The following KSR2 variants were observed in gnomAD, a reference collection of about 807,000 sequenced individuals.
KSR2 encodes the protein kinase suppressor of ras 2.
KSR2 carries 25 observed loss-of-function variants against 107.8 expected under a neutral mutation model. The ratio of observed to expected loss-of-function variants is 0.23; its 90% CI spans 0.17 to 0.32. KSR2 has a LOEUF of 0.32. KSR2 is among the 10% of genes least tolerant of loss of function. The pLI is 1.00. For synonymous variants in KSR2, 480 were observed against 507.0 expected, an observed-to-expected ratio of 0.95 and a Z score of 0.71; for missense variants, 887 against 1,268.9, an observed-to-expected ratio of 0.70 and a Z score of 4.57.
intron 4 of KSR2, among the ~76,000 whole-genome samples, chr12:117,697,695 G>A (rs554671145): frequency 4.3e-4 from 63 of 147,794 alleles, no homozygotes; most frequent in Non-Finnish European, 7.6e-4. Flanking sequence ...AGCCGAGATC[G>A]CGCCACTGCA....
chr12:117,705,130 C>T (rs1886473126), intron 4 of KSR2, among the ~76,000 whole-genome samples: 1 of 152,056 alleles, frequency 6.6e-6, no homozygotes, highest in Non-Finnish European at 1.5e-5. Context: ...GAGTTCATTA[C>T]AGTGAATGTG....
chr12:117,695,689 C>A (rs544411259), intron 4 of KSR2, among the ~76,000 whole-genome samples: 1 of 145,840 alleles, frequency 6.9e-6, no homozygotes, highest in African/African-American at 2.6e-5. Flanking sequence ...CCAGCCTGGG[C>A]GACAAAGTGA....
chr12:117,889,927 A>C (rs887807644), intron 1 of KSR2, among the ~76,000 whole-genome samples: 2 of 152,178 alleles, frequency 1.3e-5, no homozygotes, highest in South Asian at 2.1e-4. Context: ...AGTAGTGCCA[A>C]GGTTGAAACA....
At position 117,934,293 on chromosome 12, in the gene KSR2, C is replaced by A. The variant is rs1449310696; in HGVS notation, c.180+33783G>T. 2.0e-5 allele frequency among the ~76,000 whole-genome samples: 3 copies of A among 152,232 alleles called. No homozygotes were observed. The South Asian group carries it at 6.2e-4, about 32-fold the overall frequency. On this transcript the variant is annotated intron_variant, in intron 1 of 19. Coordinates refer to ENST00000339824, the MANE Select transcript of KSR2 (RefSeq NM_173598.6). ...GCTCCAGAACTGACCCATGACAACA[C>A]CGCTCCCTTTTGACTCCAGGAGTAG...
At chr12:117,660,604 C>T (rs1390800041) in intron 5 of KSR2, among the ~76,000 whole-genome samples, 5 of 152,148 alleles carry the variant, frequency 3.3e-5, no homozygotes, top group African/African-American at 1.2e-4. Context: ...CCAAATAAGG[C>T]ACATCCACAG....
rs538256633 is a variant in KSR2, at chr12:117,855,588, G to A, written c.322-10C>T. ...GGCCGGGGGAGATTTCCTAGAGGAG[G>A]GGAGAAGGATTGTCAACCGTGGGGC... On this transcript the variant is annotated splice_polypyrimidine_tract_variant and intron_variant, in intron 2 of 19. Transcript: ENST00000339824. 6.7e-5 allele frequency: 108 copies of A among 1,613,862 alleles called. 1 individual carries two copies. The South Asian group carries it at 8.5e-4, about 13-fold the overall frequency.
chr12:117,641,178 A>T (rs1593082330), intron 5 of KSR2, among the ~76,000 whole-genome samples: 1 of 152,018 alleles, frequency 6.6e-6, no homozygotes, highest in African/African-American at 2.4e-5. Flanking sequence ...GCTCACTGCG[A>T]CCTCTGCCTT....
chr12:117,814,684 C>T (rs931898224), intron 3 of KSR2, among the ~76,000 whole-genome samples: 2 of 152,134 alleles, frequency 1.3e-5, no homozygotes, highest in South Asian at 2.1e-4. Context: ...ACTCGGGAGG[C>T]GTCTAGGGGC....
intron 7 of KSR2, among the ~76,000 whole-genome samples, chr12:117,565,108 G>A (rs1878386194): frequency 1.3e-5 from 2 of 152,156 alleles, no homozygotes; most frequent in Admixed American, 1.3e-4. Flanking sequence ...CTGTGAAGCA[G>A]TCATAAGCCT....
At chr12:117,532,080 G>C (rs886073765) in intron 10 of KSR2, among the ~76,000 whole-genome samples, 4 of 152,100 alleles carry the variant, frequency 2.6e-5, no homozygotes, top group Non-Finnish European at 5.9e-5. Context: ...GATTACAGTG[G>C]CTTAAAAAAT....
chr12:117,484,304 G>A, intron 16 of KSR2, 112 bp downstream of exon 16: 5 of 1,251,502 alleles, frequency 4.0e-6, no homozygotes, highest in Non-Finnish European at 5.6e-6. Context: ...ACTCAGCTCA[G>A]CAACCTCAGG....
In KSR2 at chr12:117,968,549, C is replaced by G; in HGVS notation, c.-294G>C. Reference sequence around the variant, plus strand: ...AGAGATGCTGTTTCTCAGAAGCAAACCAGGTGATGTGATGCTGTCTGTACA... The same window carrying G: ...AGAGATGCTGTTTCTCAGAAGCAAAGCAGGTGATGTGATGCTGTCTGTACA... On this transcript the variant is annotated 5_prime_UTR_variant, in exon 1 of 20. Coordinates refer to ENST00000339824, the MANE Select transcript of KSR2 (RefSeq NM_173598.6). The G allele has an allele frequency of 9.0e-7, 1 of 1,114,704 alleles. No individual in the cohort carries two copies. Among genetic ancestry groups the G allele is most frequent in the Non-Finnish European group, 1.1e-6 (1 of 893,778 alleles). 69.1% of individuals were successfully genotyped at this position (1,114,704 alleles called of 1,614,324 possible).
rs185924729 is a variant in KSR2, at chr12:117,552,176, C to G, written c.1518+2993G>C. Among the ~76,000 whole-genome samples the G allele has an allele frequency of 1.6e-3, 247 of 152,230 alleles. 1 individual carries two copies. Among genetic ancestry groups the G allele is most frequent in the African/African-American group, 5.5e-3 (230 of 41,532 alleles). The stretch of plus-strand genomic sequence containing the variant: ...TGGCCTGATGTTTTGATCAAAGGCC[C>G]CCAAATTTAAGCTGATAATAATAGC... On this transcript the variant is annotated intron_variant, in intron 9 of 19. Transcript: ENST00000339824.
intron 5 of KSR2, among the ~76,000 whole-genome samples, chr12:117,625,430 C>T (rs912696625): frequency 6.6e-6 from 1 of 152,086 alleles, no homozygotes; most frequent in Non-Finnish European, 1.5e-5. Context: ...TGAATTTTGT[C>T]AAAGGCCTTT....
intron 3 of KSR2, among the ~76,000 whole-genome samples, chr12:117,795,842 C>A (rs1400063692): frequency 6.6e-6 from 1 of 152,154 alleles, no homozygotes; most frequent in Non-Finnish European, 1.5e-5. Context: ...AACTCCTGGG[C>A]TCAAGTGATC....
chr12:117,637,674 G>GTTT (rs1593077593), intron 5 of KSR2, among the ~76,000 whole-genome samples: 3 of 37,380 alleles, frequency 8.0e-5, no homozygotes, highest in African/African-American at 4.0e-4. Context: ...GTCAGTTTTG[G>GTTT]GTTTTTTTTT....
intron 3 of KSR2, among the ~76,000 whole-genome samples, chr12:117,826,213 T>C (rs368082988): frequency 6.6e-6 from 1 of 152,134 alleles, no homozygotes; most frequent in African/African-American, 2.4e-5. Flanking sequence ...ATTACCACCT[T>C]GACCTCTCTG....
chr12:117,680,042 T>C (rs1885304693), intron 4 of KSR2, among the ~76,000 whole-genome samples: 1 of 152,234 alleles, frequency 6.6e-6, no homozygotes, highest in Admixed American at 6.5e-5. Flanking sequence ...CTACACTACC[T>C]GTCCACAGAT....
At chr12:117,599,690 C>T (rs990870898) in intron 5 of KSR2, among the ~76,000 whole-genome samples, 9 of 152,006 alleles carry the variant, frequency 5.9e-5, no homozygotes, top group African/African-American at 2.2e-4. Context: ...TTCCAAATGT[C>T]CCTGGGGGTG....
Sources: allele counts gnomAD v4.1 joint callset (sites outside exome capture counted in the v4.1 genomes callset), GRCh38; gene constraint gnomAD v4.1.1; transcripts MANE v1.5; gene names NCBI Gene and HGNC (gene_info 2026-07-23, HGNC 2026-07-21).